Variants in MACROD2 observed in about 807,000 individuals in gnomAD.
MACROD2 encodes ADP-ribose glycohydrolase MACROD2.
Under a neutral mutation model 70.4 loss-of-function variants are expected in MACROD2, and 36 were observed. The ratio of observed to expected loss-of-function variants is 0.51; its 90% confidence interval spans 0.39 to 0.68. The LOEUF is 0.68. Among genes scored for constraint, MACROD2 ranks in the 30% least tolerant of loss-of-function variants. The probability of loss-of-function intolerance (pLI) is 0.00; values close to 1 mark genes in which losing one functional copy is unlikely to be tolerated. For synonymous variants in MACROD2, 172 were observed against 178.8 expected, an observed-to-expected ratio of 0.96 and a Z score of 0.30; for missense variants, 496 against 538.4, an observed-to-expected ratio of 0.92 and a Z score of 0.78.
intron 3 of MACROD2, among the ~76,000 whole-genome samples, chr20:14,089,857 A>G (rs974722530): frequency 1.3e-5 from 2 of 152,232 alleles, no homozygotes; most frequent in South Asian, 2.1e-4. Flanking sequence ...GTATATAGCT[A>G]TAGTACAATA....
At chr20:14,698,995 A>G (rs1379009817) in intron 5 of MACROD2, among the ~76,000 whole-genome samples, 2 of 151,968 alleles carry the variant, frequency 1.3e-5, no homozygotes, top group African/African-American at 4.8e-5. Flanking sequence ...TAATATACCT[A>G]CCAAGCAAGT....
chr20:15,440,131 T>C (rs530675731), intron 7 of MACROD2, among the ~76,000 whole-genome samples: 47 of 152,196 alleles, frequency 3.1e-4, no homozygotes, highest in Non-Finnish European at 6.0e-4. Context: ...AGAGTCAATA[T>C]AGTTAACAGA....
intron 3 of MACROD2, among the ~76,000 whole-genome samples, chr20:14,413,619 A>C (rs963292504): frequency 7.2e-5 from 11 of 152,200 alleles, no homozygotes; most frequent in Admixed American, 5.2e-4. Flanking sequence ...TTTTGAAACT[A>C]CAAAAGCAAT....
intron 8 of MACROD2, among the ~76,000 whole-genome samples, chr20:15,647,865 G>A (rs369020683): frequency 7.2e-5 from 11 of 151,838 alleles, no homozygotes; most frequent in East Asian, 5.8e-4. Flanking sequence ...AACTACAGGC[G>A]TGCACCACCG....
chr20:15,302,871 C>T (rs938564863), intron 6 of MACROD2, among the ~76,000 whole-genome samples: 3 of 152,078 alleles, frequency 2.0e-5, no homozygotes, highest in Admixed American at 2.0e-4. Flanking sequence ...TCTTTACAAA[C>T]GTTTATTAGC....
At chr20:14,757,890 G>T in intron 5 of MACROD2, 1 of 1,373,552 alleles carries the variant, frequency 7.3e-7, no homozygotes, top group Non-Finnish European at 1.0e-6. Context: ...GGTCTGAAGG[G>T]TGAGTGACCT....
chr20:15,836,721 T>C (rs201828478), intron 8 of MACROD2, among the ~76,000 whole-genome samples: 1 of 152,200 alleles, frequency 6.6e-6, no homozygotes, highest in East Asian at 1.9e-4. Context: ...GAGTGGCTGG[T>C]GGACTTACCA....
chr20:14,596,223 CTACA>C (rs10569971), intron 4 of MACROD2, among the ~76,000 whole-genome samples: 16,558 of 151,346 alleles, frequency 0.11, 1,779 homozygotes, highest in African/African-American at 0.27. Context: ...GTAGCTGGGA[CTACA>C]TACAGGCGCC....
intron 5 of MACROD2, among the ~76,000 whole-genome samples, chr20:14,832,343 A>T (rs2072980483): frequency 6.6e-6 from 1 of 151,936 alleles, no homozygotes; most frequent in African/African-American, 2.4e-5. Context: ...TCAGGTGAAA[A>T]TATTGTGTTT....
intron 2 of MACROD2, among the ~76,000 whole-genome samples, chr20:14,076,006 C>G (rs1289142313): frequency 7.9e-5 from 12 of 152,136 alleles, no homozygotes; most frequent in South Asian, 2.1e-4. Context: ...AACATTAACT[C>G]TCATATAGAA....
chr20:15,947,223 C>T (rs1489965352), intron 12 of MACROD2, among the ~76,000 whole-genome samples: 1 of 152,082 alleles, frequency 6.6e-6, no homozygotes, highest in Admixed American at 6.6e-5. Flanking sequence ...TTTTACTAAT[C>T]CTCCTCAGCA....
rs150116631 is a variant in MACROD2, at chr20:14,860,520, G to T, written c.418+175561G>T. Among the ~76,000 whole-genome samples, 10 of 152,192 alleles carry T rather than the reference G, an allele frequency of 6.6e-5. 1 individual carries two copies. The East Asian group carries it at 1.9e-3, about 29-fold the overall frequency. On this transcript the variant is annotated intron_variant, in intron 5 of 17. Coordinates refer to ENST00000684519, the MANE Select transcript of MACROD2 (RefSeq NM_001351661.2). ...AAAACACCGCTGCACCTCCCTCCCG[G>T]CTGGAACCTGCTCTCTGTGATCTGG...
intron 7 of MACROD2, among the ~76,000 whole-genome samples, chr20:15,433,248 A>C (rs1219930327): frequency 1.3e-5 from 2 of 151,992 alleles, no homozygotes; most frequent in Non-Finnish European, 2.9e-5. Flanking sequence ...CAAGTCAAAA[A>C]AGCAGAAGTT....
chr20:15,913,844 G>C (rs949880147), intron 10 of MACROD2, among the ~76,000 whole-genome samples: 2 of 152,150 alleles, frequency 1.3e-5, no homozygotes, highest in East Asian at 1.9e-4. Context: ...GTATTTTAGG[G>C]ACACAGCATT....
At chr20:14,778,973 C>CT (rs1568790806) in intron 5 of MACROD2, among the ~76,000 whole-genome samples, 1 of 152,002 alleles carries the variant, frequency 6.6e-6, no homozygotes, top group Non-Finnish European at 1.5e-5. Flanking sequence ...GTCCTCTTTG[C>CT]TTTTTTAAAA....
At chr20:14,782,392 C>A (rs2123787684) in intron 5 of MACROD2, among the ~76,000 whole-genome samples, 1 of 152,146 alleles carries the variant, frequency 6.6e-6, no homozygotes, top group East Asian at 1.9e-4. Context: ...ATACGGCTAG[C>A]CAATTCAAGT....
intron 3 of MACROD2, among the ~76,000 whole-genome samples, chr20:14,397,818 G>C (rs1220100899): frequency 6.6e-6 from 1 of 152,012 alleles, no homozygotes; most frequent in Non-Finnish European, 1.5e-5. Flanking sequence ...CAGTGCCATA[G>C]AACACTAGAA....
intron 5 of MACROD2, among the ~76,000 whole-genome samples, chr20:14,979,999 G>A (rs529261415): frequency 1.3e-5 from 2 of 152,004 alleles, no homozygotes; most frequent in Non-Finnish European, 2.9e-5. Flanking sequence ...CCTGCCACTT[G>A]GTAATAATAA....
intron 10 of MACROD2, among the ~76,000 whole-genome samples, chr20:15,904,261 C>T (rs561661025): frequency 3.2e-4 from 49 of 152,142 alleles, no homozygotes; most frequent in African/African-American, 1.2e-3. Flanking sequence ...TCAAGCGACC[C>T]TCCAGCCTCG....
Sources: allele counts gnomAD v4.1 joint callset (sites outside exome capture counted in the v4.1 genomes callset), GRCh38; gene constraint gnomAD v4.1.1; transcripts MANE v1.5; gene names NCBI Gene and HGNC (gene_info 2026-07-23, HGNC 2026-07-21).